The following CDH13 variants were observed in gnomAD, a reference collection of about 807,000 sequenced individuals.
CDH13 encodes the protein cadherin-13.
CDH13 carries 24 observed loss-of-function variants against 63.8 expected under a neutral mutation model. The observed-to-expected ratio is 0.38, with a 90% CI of 0.27 to 0.53. The LOEUF is 0.53. Ranked by LOEUF, CDH13 falls within the 20% of genes least tolerant of loss-of-function variation. The probability of loss-of-function intolerance (pLI) is 0.85; values close to 1 mark genes in which losing one functional copy is unlikely to be tolerated. For missense variants in CDH13, 1,049 were observed against 903.1 expected (o/e 1.16, Z -2.07); for synonymous variants, 503 against 355.3 (o/e 1.42, Z -4.67).
At chr16:83,033,320 T>C (rs1916548430) in intron 3 of CDH13, among the ~76,000 whole-genome samples, 1 of 152,094 alleles carries the variant, frequency 6.6e-6, no homozygotes, top group African/African-American at 2.4e-5. Flanking sequence ...ATATACGGTG[T>C]ATATGTATGT....
At chr16:82,984,358 A>G (rs77581978) in intron 2 of CDH13, among the ~76,000 whole-genome samples, 21 of 152,166 alleles carry the variant, frequency 1.4e-4, no homozygotes, top group African/African-American at 5.1e-4. Flanking sequence ...GCTTGTTTCA[A>G]TGTGTTTAAG....
chr16:83,394,249 A>T (rs558430212), intron 6 of CDH13, among the ~76,000 whole-genome samples: 177 of 148,112 alleles, frequency 1.2e-3, no homozygotes, highest in African/African-American at 4.5e-3. Flanking sequence ...TAAAAGTTTT[A>T]AAAAAAAAAA....
intron 5 of CDH13, among the ~76,000 whole-genome samples, chr16:83,328,350 A>G (rs1396266262): frequency 6.6e-6 from 1 of 152,188 alleles, no homozygotes; most frequent in Non-Finnish European, 1.5e-5. Context: ...GAAGAACACC[A>G]AGAAGGAATA....
intron 3 of CDH13, among the ~76,000 whole-genome samples, chr16:83,071,758 AATAC>A (rs756409260): frequency 5.3e-5 from 8 of 152,230 alleles, no homozygotes; most frequent in Admixed American, 1.3e-4. Context: ...AACATTTAAA[AATAC>A]ATAGCATATA....
intron 2 of CDH13, among the ~76,000 whole-genome samples, chr16:82,900,070 C>A (rs1469416395): frequency 2.6e-5 from 4 of 152,184 alleles, no homozygotes; most frequent in Non-Finnish European, 5.9e-5. Context: ...TTCCCAGAAA[C>A]ATGAACTTAC....
At chr16:83,319,288 G>A (rs2090171141) in intron 5 of CDH13, among the ~76,000 whole-genome samples, 1 of 152,208 alleles carries the variant, frequency 6.6e-6, no homozygotes, top group African/African-American at 2.4e-5. Context: ...TGACCTCTAG[G>A]ATTCTCTTTG....
At chr16:83,474,667 A>G (rs1041725493) in intron 6 of CDH13, among the ~76,000 whole-genome samples, 1 of 152,216 alleles carries the variant, frequency 6.6e-6, no homozygotes, top group African/African-American at 2.4e-5. Flanking sequence ...ATTAAAGCAG[A>G]AGCCAAGGAA....
At chr16:83,068,921 A>C (rs150376625) in intron 3 of CDH13, among the ~76,000 whole-genome samples, 5 of 152,284 alleles carry the variant, frequency 3.3e-5, no homozygotes, top group African/African-American at 1.2e-4. Flanking sequence ...CATGATTGCC[A>C]CCCACTGGTT....
At chr16:83,554,265 G>A (rs930619631) in intron 7 of CDH13, among the ~76,000 whole-genome samples, 1 of 151,774 alleles carries the variant, frequency 6.6e-6, no homozygotes, top group African/African-American at 2.4e-5. Flanking sequence ...TTGAACTCCA[G>A]CCTGAAAATC....
intron 2 of CDH13, among the ~76,000 whole-genome samples, chr16:82,993,765 C>T (rs149931205): frequency 1.3e-5 from 2 of 152,246 alleles, no homozygotes; most frequent in Admixed American, 6.5e-5. Context: ...AAACAAACAC[C>T]AGCAGACATA....
At chr16:83,216,591 A>T (rs2039539366) in intron 4 of CDH13, among the ~76,000 whole-genome samples, 1 of 143,634 alleles carries the variant, frequency 7.0e-6, no homozygotes, top group East Asian at 2.0e-4. Flanking sequence ...ATATATTAAT[A>T]TATAATACAT....
chr16:83,340,851 C>T (rs553076551), intron 5 of CDH13, among the ~76,000 whole-genome samples: 3 of 152,208 alleles, frequency 2.0e-5, no homozygotes, highest in East Asian at 3.9e-4. Flanking sequence ...TTGTTGAGTG[C>T]CCCTCTCATC....
intron 10 of CDH13, chr16:83,710,592 A>T (rs1159145132): frequency 6.6e-6 from 1 of 150,792 alleles, no homozygotes; most frequent in East Asian, 1.9e-4. Flanking sequence ...AAGAAGGAGG[A>T]CTCTGGAAGC....
intron 1 of CDH13, among the ~76,000 whole-genome samples, chr16:82,804,764 A>C (rs2037060161): frequency 6.6e-6 from 1 of 152,206 alleles, no homozygotes; most frequent in Admixed American, 6.5e-5. Context: ...ACAGAGAAGA[A>C]AACACTATGA....
At chr16:83,718,518 G>A (rs894069491) in intron 10 of CDH13, among the ~76,000 whole-genome samples, 1 of 152,178 alleles carries the variant, frequency 6.6e-6, no homozygotes. Flanking sequence ...GAATGTTCAT[G>A]AAGATTCCTG....
intron 7 of CDH13, among the ~76,000 whole-genome samples, chr16:83,512,896 C>T (rs1280372345): frequency 2.6e-5 from 4 of 151,946 alleles, no homozygotes; most frequent in Non-Finnish European, 2.9e-5. Context: ...TTTCAACAAA[C>T]CCTCTAGATG....
At chr16:83,318,276 G>A (rs1354981376) in intron 5 of CDH13, among the ~76,000 whole-genome samples, 1 of 152,072 alleles carries the variant, frequency 6.6e-6, no homozygotes, top group Non-Finnish European at 1.5e-5. Context: ...GGGAAATTGG[G>A]CCCCTTTCTC....
chr16:83,234,580 G>A (rs942159854), intron 5 of CDH13, among the ~76,000 whole-genome samples: 1 of 152,160 alleles, frequency 6.6e-6, no homozygotes, highest in African/African-American at 2.4e-5. Context: ...GAGCACCGCT[G>A]GGGTTCAGGT....
At chr16:83,039,218 C>T (rs750574592) in intron 3 of CDH13, among the ~76,000 whole-genome samples, 1 of 152,230 alleles carries the variant, frequency 6.6e-6, no homozygotes, top group Non-Finnish European at 1.5e-5. Flanking sequence ...CACTTCGCTC[C>T]TCTGCTTAAT....
Sources: gnomAD v4.1 joint callset for allele counts (sites outside exome capture counted in the v4.1 genomes callset) on GRCh38, gnomAD v4.1.1 for gene constraint, MANE v1.5 for transcripts, NCBI Gene and HGNC (gene_info 2026-07-23, HGNC 2026-07-21) for gene names.